The following DYM variants were observed in gnomAD, a reference collection of about 807,000 sequenced individuals.
The protein encoded by DYM is dyggve-Melchior-Clausen syndrome protein.
In DYM, 78 loss-of-function variants were observed where a neutral mutation model predicts 93.1. The ratio of observed to expected loss-of-function variants is 0.84; its 90% CI spans 0.70 to 1.01. The LOEUF is 1.01. Ranked by LOEUF, DYM falls within the 50% of genes least tolerant of loss-of-function variation. The pLI is 0.00. For missense variants in DYM, 789 were observed against 845.0 expected (o/e 0.93, Z 0.82); for synonymous variants, 321 against 319.7 (o/e 1.00, Z -0.04).
At chr18:49,127,296 G>A (rs2082917187) in intron 15 of DYM, among the ~76,000 whole-genome samples, 1 of 152,202 alleles carries the variant, frequency 6.6e-6, no homozygotes, top group Admixed American at 6.5e-5. Flanking sequence ...GGGAATGAAA[G>A]CTCAACAAAT....
intron 11 of DYM, among the ~76,000 whole-genome samples, chr18:49,261,440 G>A (rs2094488738): frequency 6.6e-6 from 1 of 152,250 alleles, no homozygotes; most frequent in African/African-American, 2.4e-5. Context: ...GGAGGCCAAG[G>A]TGGATGGATC....
chr18:49,279,965 A>G (rs1431554146), intron 10 of DYM, among the ~76,000 whole-genome samples: 1 of 152,206 alleles, frequency 6.6e-6, no homozygotes, highest in Non-Finnish European at 1.5e-5. Flanking sequence ...AACACTGAAA[A>G]AATGGTAACC....
intron 13 of DYM, among the ~76,000 whole-genome samples, chr18:49,241,617 G>A (rs1161281654): frequency 6.6e-6 from 1 of 151,944 alleles, no homozygotes; most frequent in Non-Finnish European, 1.5e-5. Flanking sequence ...ACTTGTAGAG[G>A]GACCAAATAA....
rs118117264 is a variant in DYM, at chr18:49,058,708, A to T, written c.2026-14504T>A. Among the ~76,000 whole-genome samples the T allele has an allele frequency of 1.0e-2, 1,516 of 152,350 alleles. 14 individuals carry two copies. Among genetic ancestry groups the T allele is most frequent in the Non-Finnish European group, 0.014 (986 of 68,022 alleles). ...TTTGTTATACACTGTAAGCATGAAA[A>T]TTAAACAACATTGAGAGTTACCTTG... is the stretch of plus-strand genomic sequence containing the variant. On this transcript the variant is annotated intron_variant, in intron 17 of 17. Coordinates refer to ENST00000675505, the MANE Select transcript of DYM (RefSeq NM_001353214.3).
chr18:49,343,938 C>T (rs1180744650), intron 6 of DYM, among the ~76,000 whole-genome samples: 1 of 146,988 alleles, frequency 6.8e-6, no homozygotes, highest in African/African-American at 2.6e-5. Flanking sequence ...AAGACCCCAC[C>T]TCTACACCAC....
chr18:49,093,968 T>C (rs2145477165), intron 17 of DYM, among the ~76,000 whole-genome samples: 1 of 152,360 alleles, frequency 6.6e-6, no homozygotes, highest in Admixed American at 6.5e-5. Context: ...AGTGTGAAAC[T>C]GGTAATTACT....
chr18:49,062,650 C>T (rs1422375035), intron 17 of DYM, among the ~76,000 whole-genome samples: 13 of 152,184 alleles, frequency 8.5e-5, no homozygotes, highest in Non-Finnish European at 1.5e-5. Flanking sequence ...ATGCTGTTTG[C>T]CATTTGTTCT....
intron 2 of DYM, among the ~76,000 whole-genome samples, chr18:49,423,024 C>G (rs2073892395): frequency 6.6e-6 from 1 of 152,182 alleles, no homozygotes; most frequent in Admixed American, 6.6e-5. Flanking sequence ...GAATTGAACT[C>G]AGCTCTGCAC....
intron 6 of DYM, among the ~76,000 whole-genome samples, chr18:49,346,718 AG>A (rs1209179153): frequency 3.3e-5 from 5 of 152,234 alleles, no homozygotes; most frequent in African/African-American, 1.2e-4. Context: ...CTGCCAGGAT[AG>A]AATGTTAACT....
chr18:49,129,900 T>C (rs1412527212), intron 15 of DYM, among the ~76,000 whole-genome samples: 2 of 152,148 alleles, frequency 1.3e-5, no homozygotes, highest in African/African-American at 4.8e-5. Flanking sequence ...TGTCTGCCCC[T>C]GAACAAGAGG....
At chr18:49,375,193 G>GACACACAC (rs34631271) in intron 5 of DYM, among the ~76,000 whole-genome samples, 3,096 of 137,964 alleles carry the variant, frequency 0.022, 28 homozygotes, top group East Asian at 0.058. Flanking sequence ...AAGGGGAAAA[G>GACACACAC]ACACACACAC....
Position 49,456,303 on chromosome 18 carries a change from A to G in DYM, c.-54+4095T>C, listed in dbSNP as rs71355388. Among the ~76,000 whole-genome samples the G allele has an allele frequency of 5.4e-3, 825 of 152,324 alleles. 2 individuals carry two copies. The highest frequency in any genetic ancestry group is 9.1e-3 in the Non-Finnish European group (617 of 68,030). ...TTTACAAAAGAAACAAACTAGTCAT[A>G]TGTTTAAGCTATTATTTTTCAGGTC... On this transcript the variant is annotated intron_variant, in intron 1 of 17. Coordinates refer to ENST00000675505, the MANE Select transcript of DYM (RefSeq NM_001353214.3).
intron 14 of DYM, among the ~76,000 whole-genome samples, chr18:49,180,224 A>T (rs1359236142): frequency 6.6e-6 from 1 of 152,106 alleles, no homozygotes; most frequent in Non-Finnish European, 1.5e-5. Flanking sequence ...TTGATAAGAG[A>T]TATAAATTAT....
intron 11 of DYM, among the ~76,000 whole-genome samples, chr18:49,270,563 T>A (rs1258888400): frequency 1.3e-5 from 2 of 152,114 alleles, no homozygotes; most frequent in Non-Finnish European, 2.9e-5. Flanking sequence ...AAGGAGAGTA[T>A]CATTGCTCTT....
At chr18:49,174,770 C>CA (rs2089192710) in intron 14 of DYM, among the ~76,000 whole-genome samples, 1 of 152,090 alleles carries the variant, frequency 6.6e-6, no homozygotes, top group African/African-American at 2.4e-5. Context: ...TGGCTATGGT[C>CA]ACGCTTAGCT....
intron 2 of DYM, among the ~76,000 whole-genome samples, chr18:49,405,274 T>A (rs2071343558): frequency 6.6e-6 from 1 of 152,212 alleles, no homozygotes; most frequent in Admixed American, 6.5e-5. Flanking sequence ...CAATTTTTGT[T>A]TTTGTTACAA....
chr18:49,255,627 C>T (rs1472380834), intron 13 of DYM, among the ~76,000 whole-genome samples: 4 of 144,956 alleles, frequency 2.8e-5, no homozygotes, highest in Non-Finnish European at 6.0e-5. Flanking sequence ...GAGCCAAGAT[C>T]ACACCACTGC....
intron 16 of DYM, among the ~76,000 whole-genome samples, chr18:49,115,634 A>G (rs2081860912): frequency 6.6e-6 from 1 of 152,236 alleles, no homozygotes; most frequent in South Asian, 2.1e-4. Flanking sequence ...ATGAAGACTG[A>G]AAATGGACAT....
chr18:49,379,907 C>A, intron 3 of DYM, 149 bp from the exon 4 acceptor site: 1 of 659,758 alleles, frequency 1.5e-6, no homozygotes. Context: ...GAGAACTAAG[C>A]AATGAGAGAA....
Sources: gnomAD v4.1 joint callset for allele counts (sites outside exome capture counted in the v4.1 genomes callset) on GRCh38, gnomAD v4.1.1 for gene constraint, MANE v1.5 for transcripts, NCBI Gene and HGNC (gene_info 2026-07-23, HGNC 2026-07-21) for gene names.